The following ITGA2 variants were observed in gnomAD, a reference collection of about 807,000 sequenced individuals.
The protein encoded by ITGA2 is integrin subunit alpha 2.
A neutral mutation model predicts 146.3 loss-of-function variants in ITGA2; 101 were observed. The observed-to-expected ratio is 0.69, with a 90% CI of 0.59 to 0.81. The LOEUF (loss-of-function observed/expected upper bound fraction) is 0.81. Among genes scored for constraint, ITGA2 ranks in the 40% least tolerant of loss-of-function variants. The probability of loss-of-function intolerance (pLI) is 0.00; values close to 1 mark genes in which losing one functional copy is unlikely to be tolerated. For synonymous variants in ITGA2, 477 were observed against 487.1 expected, an observed-to-expected ratio of 0.98 and a Z score of 0.27; for missense variants, 1,281 against 1,402.7, an observed-to-expected ratio of 0.91 and a Z score of 1.39.
chr5:53,054,855 G>A lies in ITGA2; in HGVS notation c.780-683G>A, dbSNP rs527358752. Among the ~76,000 whole-genome samples the A allele has an allele frequency of 2.6e-5, 4 of 152,024 alleles. No individual in the cohort carries two copies. In the South Asian group the frequency reaches 8.3e-4, roughly 32 times the overall value. On this transcript the variant is annotated intron_variant, in intron 7 of 29. Transcript: ENST00000296585. ...TCAGTGTATTCTGCTCAGGTGATGGGTGCAAATCTCACAAACCACCACTAA... is the reference window on the plus strand; with the variant it reads ...TCAGTGTATTCTGCTCAGGTGATGGATGCAAATCTCACAAACCACCACTAA...
intron 1 of ITGA2, among the ~76,000 whole-genome samples, chr5:53,017,147 G>A (rs1270028480): frequency 1.3e-5 from 2 of 152,244 alleles, no homozygotes; most frequent in African/African-American, 4.8e-5. Context: ...TTGTTTGGAA[G>A]TAAGGAGACA....
Position 53,090,078 on chromosome 5 carries a change from T to C in ITGA2, c.3465+16T>C, listed in dbSNP as rs753548752. ...TTTATGGAAGGTAAGAAAAGCTTTATATTTTAAAATACAGGGCTCCTGAAG... is the reference window on the plus strand; with the variant it reads ...TTTATGGAAGGTAAGAAAAGCTTTACATTTTAAAATACAGGGCTCCTGAAG... On this transcript the variant is annotated intron_variant, in intron 29 of 29. Coordinates refer to ENST00000296585, the MANE Select transcript of ITGA2 (RefSeq NM_002203.4). 14 of 1,470,056 alleles carry C rather than the reference T, an allele frequency of 9.5e-6. No individual in the cohort carries two copies. The highest frequency in any genetic ancestry group is 1.7e-5 in the Admixed American group (1 of 59,842). The allele number at this position is 1,470,056 out of a possible 1,614,324, so 91.1% of individuals were successfully genotyped here.
intron 16 of ITGA2, among the ~76,000 whole-genome samples, chr5:53,067,613 C>A (rs1355936961): frequency 6.6e-6 from 1 of 151,818 alleles, no homozygotes; most frequent in Non-Finnish European, 1.5e-5. Flanking sequence ...ATCATGTTGG[C>A]TATGCCATGA....
intron 16 of ITGA2, 59 bp from the exon 17 acceptor site, chr5:53,070,050 A>G: frequency 7.3e-7 from 1 of 1,374,466 alleles, no homozygotes; most frequent in Admixed American, 1.7e-5. Flanking sequence ...TAAAGCAAAG[A>G]TGCTTTTTCC....
rs1259068092 is a variant in ITGA2, at chr5:53,083,371, C to A, written c.3176C>A (p.Thr1059Asn). Reference sequence around the variant, plus strand: ...AGAACTGCTTCCTGTAGTAATGTTACCTGCTGGTTGAAAGACGTTCACATG... The same window carrying A: ...AGAACTGCTTCCTGTAGTAATGTTAACTGCTGGTTGAAAGACGTTCACATG... ...NCRTASCSNV[T>N]CWLKDVHMKG... Residue 1059 changes from threonine to asparagine, a missense_variant, in exon 27 of 30, where the codon ACC becomes AAC. Physicochemically the swap from Thr to Asn is moderately conservative, Grantham distance 65. Transcript: ENST00000296585. The A allele has an allele frequency of 6.2e-7, 1 of 1,612,940 alleles. No homozygotes were observed. Among genetic ancestry groups the A allele is most frequent in the South Asian group, 1.1e-5 (1 of 91,068 alleles).
chr5:53,059,305 T>C (rs544716084), intron 10 of ITGA2, among the ~76,000 whole-genome samples: 20 of 151,964 alleles, frequency 1.3e-4, no homozygotes, highest in African/African-American at 4.8e-4. Context: ...TGTGCTATTA[T>C]CAAATAGATG....
At chr5:53,051,348 G>T (rs1259627920) in intron 6 of ITGA2, 63 bp from the exon 7 acceptor site, 26 of 1,538,650 alleles carry the variant, frequency 1.7e-5, no homozygotes, top group Non-Finnish European at 2.2e-5. Flanking sequence ...TTATTTTATT[G>T]GTTAAGTAGA....
chr5:52,989,825 CACACACACACAG>C (rs1740835968), intron 1 of ITGA2, among the ~76,000 whole-genome samples: 1 of 143,878 alleles, frequency 7.0e-6, no homozygotes, highest in Non-Finnish European at 1.6e-5. Flanking sequence ...CACACACACA[CACACACACACAG>C]ACAGACACGC....
In ITGA2 at chr5:53,067,449, A is replaced by G. The variant is rs2287874; in HGVS notation, c.2083+192A>G. On this transcript the variant is annotated intron_variant, in intron 16 of 29. Coordinates refer to ENST00000296585, the MANE Select transcript of ITGA2 (RefSeq NM_002203.4). ...AGATTTGTTTAGATCTTCCTTCCAC[A>G]TCTCTAGAAGGTTCTGCTGCAGAAA... Among the ~76,000 whole-genome samples, 199 of 151,926 alleles carry G rather than the reference A, an allele frequency of 1.3e-3. 3 individuals are homozygous for G. The East Asian group carries it at 0.035, about 27-fold the overall frequency.
At chr5:53,067,790 C>A (rs949293875) in intron 16 of ITGA2, among the ~76,000 whole-genome samples, 6 of 152,000 alleles carry the variant, frequency 3.9e-5, no homozygotes, top group Non-Finnish European at 8.8e-5. Flanking sequence ...TGAATTATGT[C>A]TCATCAGATG....
chr5:53,066,349 G>A (rs1745146958), intron 15 of ITGA2, among the ~76,000 whole-genome samples: 1 of 151,770 alleles, frequency 6.6e-6, no homozygotes, highest in African/African-American at 2.4e-5. Flanking sequence ...GACCACACAA[G>A]TAAAGTGTAA....
chr5:53,019,587 A>G (rs1312683049), intron 1 of ITGA2, among the ~76,000 whole-genome samples: 2 of 152,166 alleles, frequency 1.3e-5, no homozygotes, highest in African/African-American at 4.8e-5. Context: ...GTGCAGTGGC[A>G]TGATCTCGGC....
intron 1 of ITGA2, among the ~76,000 whole-genome samples, chr5:52,994,368 T>C (rs1741123755): frequency 6.6e-6 from 1 of 152,190 alleles, no homozygotes; most frequent in South Asian, 2.1e-4. Flanking sequence ...ACCATCCTCT[T>C]CTGCATAGCT....
Position 53,018,861 on chromosome 5 carries a change from C to A in ITGA2, c.65-7887C>A, listed in dbSNP as rs188180639. On this transcript the variant is annotated intron_variant, in intron 1 of 29. Transcript: ENST00000296585. ...CGTGGGTCTCCTGAGGTCAGGAATT[C>A]GAGACCAGCTTGACCAATATGATGA... Among the ~76,000 whole-genome samples the A allele has an allele frequency of 3.3e-4, 50 of 152,110 alleles. No individual in the cohort carries two copies. In the East Asian group the frequency reaches 9.3e-3, roughly 28 times the overall value.
At chr5:53,005,580 CAAAA>C (rs5867858) in intron 1 of ITGA2, among the ~76,000 whole-genome samples, 11 of 137,292 alleles carry the variant, frequency 8.0e-5, no homozygotes, top group East Asian at 2.1e-4. Flanking sequence ...GACTCTGTGT[CAAAA>C]AAAAAAAAAA....
At chr5:53,008,444 G>A (rs1741965305) in intron 1 of ITGA2, among the ~76,000 whole-genome samples, 1 of 151,390 alleles carries the variant, frequency 6.6e-6, no homozygotes. Flanking sequence ...CAGGAATTTT[G>A]AGAGACACAA....
intron 23 of ITGA2, among the ~76,000 whole-genome samples, chr5:53,078,477 C>T (rs1000381481): frequency 2.6e-5 from 4 of 152,112 alleles, no homozygotes; most frequent in African/African-American, 9.7e-5. Flanking sequence ...ACTATCAATT[C>T]TAAAGTAATA....
In ITGA2 at chr5:53,048,421, GTTCTGACATCAGTCCTGA is replaced by G; in HGVS notation, c.449_466del (p.Ser150_Asp155del). On this transcript the variant is annotated inframe_deletion, in exon 5 of 30. Transcript: ENST00000296585. ...AATCAGTATTACACAACGGGTGTGT[GTTCTGACATCAGTCCTGA>G]TTTTCAGCTCTCAGCCAGCTTCTCA... 2 of 1,614,164 alleles carry G rather than the reference GTTCTGACATCAGTCCTGA, an allele frequency of 1.2e-6. No individual in the cohort carries two copies. The highest frequency in any genetic ancestry group is 1.7e-6 in the Non-Finnish European group (2 of 1,180,004).
intron 17 of ITGA2, among the ~76,000 whole-genome samples, chr5:53,071,459 TCTC>T (rs1745391822): frequency 6.6e-6 from 1 of 151,850 alleles, no homozygotes; most frequent in South Asian, 2.1e-4. Context: ...CAAGGAAACA[TCTC>T]CTCATAGTCC....
Sources: allele counts gnomAD v4.1 joint callset (sites outside exome capture counted in the v4.1 genomes callset), GRCh38; gene constraint gnomAD v4.1.1; transcripts MANE v1.5; gene names NCBI Gene and HGNC (gene_info 2026-07-23, HGNC 2026-07-21).